Variants in ZNF813 observed in about 807,000 individuals in gnomAD.
ZNF813 encodes the protein zinc finger protein 813.
ZNF813 carries 3 observed loss-of-function variants against 7.2 expected under a neutral mutation model. The observed-to-expected ratio is 0.42, with a 90% CI of 0.19 to 1.08. The LOEUF (loss-of-function observed/expected upper bound fraction) is 1.08, where lower values mean the gene tolerates loss of function less well. Ranked by LOEUF, ZNF813 falls within the 50% of genes least tolerant of loss-of-function variation. The pLI, the probability that ZNF813 is intolerant of heterozygous loss-of-function variation, is 0.30. For synonymous variants in ZNF813, 227 were observed against 256.3 expected, an observed-to-expected ratio of 0.89 and a Z score of 1.09; for missense variants, 714 against 753.3, an observed-to-expected ratio of 0.95 and a Z score of 0.61.
Position 53,481,661 on chromosome 19 carries a change from T to C in ZNF813, c.-73-2089T>C, listed in dbSNP as rs181660983. ...ATTGAACCTGGCCACCCATGTATTCTTGATTGAAAAACTTTGCTTATGTCT... is the reference window on the plus strand; with the variant it reads ...ATTGAACCTGGCCACCCATGTATTCCTGATTGAAAAACTTTGCTTATGTCT... On this transcript the variant is annotated intron_variant, in intron 1 of 3. Transcript: ENST00000396403. Among the ~76,000 whole-genome samples, 12 of 152,300 alleles carry C rather than the reference T, an allele frequency of 7.9e-5. No individual in the cohort carries two copies. The East Asian group carries it at 2.3e-3, about 29-fold the overall frequency.
chr19:53,477,527 A>C (rs2086387524), intron 1 of ZNF813, among the ~76,000 whole-genome samples: 1 of 152,048 alleles, frequency 6.6e-6, no homozygotes, highest in South Asian at 2.1e-4. Context: ...TTGGTGCCTG[A>C]AAAAGGGGTT....
intron 2 of ZNF813, among the ~76,000 whole-genome samples, chr19:53,485,623 C>T (rs12980824): frequency 9.8e-6 from 1 of 102,028 alleles, no homozygotes; most frequent in Non-Finnish European, 2.2e-5. Flanking sequence ...TATATACATG[C>T]ATGTCGTGAT....
chr19:53,485,429 C>T (rs568333774), intron 2 of ZNF813, among the ~76,000 whole-genome samples: 5 of 152,290 alleles, frequency 3.3e-5, no homozygotes, highest in Non-Finnish European at 7.3e-5. Flanking sequence ...TATACACACA[C>T]ACAAATGTAT....
chr19:53,486,011 G>T (rs762794100), intron 2 of ZNF813, among the ~76,000 whole-genome samples: 2 of 152,148 alleles, frequency 1.3e-5, no homozygotes, highest in Non-Finnish European at 2.9e-5. Flanking sequence ...CAATTCTGCT[G>T]CATCAGCCTC....
At position 53,483,840 on chromosome 19, in the gene ZNF813, G is replaced by A; in HGVS notation, c.15+3G>A. On this transcript the variant is annotated splice_donor_region_variant and intron_variant, in intron 2 of 3. Transcript: ENST00000396403. ...AGTCAGGGATGGCTCTTCCTCAGGT[G>A]AGATGATATTTTTGGTGGATTGTTC... The A allele has an allele frequency of 1.2e-6, 2 of 1,613,922 alleles. No homozygotes were observed. The highest frequency in any genetic ancestry group is 1.7e-6 in the Non-Finnish European group (2 of 1,180,026).
chr19:53,479,792 G>C (rs1246320468), intron 1 of ZNF813: 8 of 1,226,760 alleles, frequency 6.5e-6, no homozygotes, highest in Non-Finnish European at 7.1e-6. Flanking sequence ...AGCTGAGCTG[G>C]CAGAGTCCCG....
chr19:53,490,520 C>T lies in ZNF813; in HGVS notation c.288C>T (p.Asn96=), dbSNP rs761764634. The change falls in exon 4 of 4, where the codon AAC becomes AAT. Residue 96 remains asparagine, a synonymous_variant. Coordinates refer to ENST00000396403, the MANE Select transcript of ZNF813 (RefSeq NM_001004301.4). ...AGGAAATTGATAAAGATATTCATAA[C>T]TTAGAGTTTCAGTGGCAAGAAGATG... ...RFQEIDKDIH[N]LEFQWQEDER... is the part of the protein sequence containing the mutation. 6.2e-7 allele frequency: 1 copy of T among 1,614,110 alleles called. No homozygotes were observed. The highest frequency in any genetic ancestry group is 8.5e-7 in the Non-Finnish European group (1 of 1,180,018).
intron 1 of ZNF813, among the ~76,000 whole-genome samples, chr19:53,483,003 C>G (rs895827592): frequency 6.6e-6 from 1 of 152,056 alleles, no homozygotes; most frequent in African/African-American, 2.4e-5. Context: ...ACTGCCACCT[C>G]CTGGGTACAA....
rs1046570445 is a variant in ZNF813 at position 53,479,323 on chromosome 19, A to C, written c.-73-4427A>C. On this transcript the variant is annotated intron_variant, in intron 1 of 3. Transcript: ENST00000396403. ...GCCGAATGGAGGAGGCAGGAACCGG[A>C]GTGTGAGCAGTAGCTGGGTGGGCAC... 7 of 1,587,490 alleles carry C rather than the reference A, an allele frequency of 4.4e-6. No homozygotes were observed. In the African/African-American group the frequency reaches 9.4e-5, roughly 21 times the overall value.
At chr19:53,471,221 T>C (rs887096009) in intron 1 of ZNF813, among the ~76,000 whole-genome samples, 1 of 152,176 alleles carries the variant, frequency 6.6e-6, no homozygotes, top group African/African-American at 2.4e-5. Flanking sequence ...CAAGCCCTTG[T>C]CCTTTTTCCT....
chr19:53,486,834 T>C (rs2086436629), intron 3 of ZNF813, 76 bp downstream of exon 3: 15 of 1,606,724 alleles, frequency 9.3e-6, no homozygotes, highest in Non-Finnish European at 9.3e-6. Flanking sequence ...TTAGATACAG[T>C]GTCTTGCTCT....
Position 53,495,639 on chromosome 19 carries a change from C to G in ZNF813, c.*3553C>G, listed in dbSNP as rs568437845. ...CAGGCTGATTAACATGGTGAAACCC[C>G]GTCTCTACTAAAAATACAAAAATTA... On this transcript the variant is annotated 3_prime_UTR_variant, in exon 4 of 4. Coordinates refer to ENST00000396403, the MANE Select transcript of ZNF813 (RefSeq NM_001004301.4). The G allele has an allele frequency of 6.6e-6, 1 of 151,754 alleles. No individual in the cohort carries two copies. The highest frequency in any genetic ancestry group is 1.5e-5 in the Non-Finnish European group (1 of 68,180). 9.4% of individuals were successfully genotyped at this position (151,754 alleles called of 1,614,324 possible).
At chr19:53,488,347 C>A in intron 3 of ZNF813, 1 of 413,288 alleles carries the variant, frequency 2.4e-6, no homozygotes, top group African/African-American at 2.1e-5. Flanking sequence ...TTTACCTTTA[C>A]TGGAGAACTT....
rs1331945567 is a variant in ZNF813 at position 53,490,556 on chromosome 19, C to T, written c.324C>T (p.Ser108=). 4 of 1,613,970 alleles carry T rather than the reference C, an allele frequency of 2.5e-6. No homozygotes were observed. Among genetic ancestry groups the T allele is most frequent in the Non-Finnish European group, 3.4e-6 (4 of 1,180,024 alleles). The change falls in exon 4 of 4, where the codon AGC becomes AGT. Residue 108 remains serine (S), a synonymous_variant. Coordinates refer to ENST00000396403, the MANE Select transcript of ZNF813 (RefSeq NM_001004301.4). ...EFQWQEDERN[S]HEAPMTEIKK... is the part of the protein sequence containing the mutation. The stretch of plus-strand genomic sequence containing the variant: ...AGTGGCAAGAAGATGAAAGAAATAG[C>T]CATGAAGCACCCATGACAGAAATCA...
At chr19:53,474,861 A>G (rs1306419887) in intron 1 of ZNF813, among the ~76,000 whole-genome samples, 1 of 152,186 alleles carries the variant, frequency 6.6e-6, no homozygotes, top group Non-Finnish European at 1.5e-5. Flanking sequence ...CTTCTTGGGC[A>G]AACCAGGATC....
At chr19:53,488,147 C>T (rs2086442774) in intron 3 of ZNF813, 2 of 408,732 alleles carry the variant, frequency 4.9e-6, no homozygotes, top group Non-Finnish European at 9.9e-6. Flanking sequence ...GCCTCAATTT[C>T]CCGAGTAGCT....
chr19:53,473,695 C>T (rs1248184012), intron 1 of ZNF813, among the ~76,000 whole-genome samples: 2 of 152,190 alleles, frequency 1.3e-5, no homozygotes, highest in Admixed American at 6.5e-5. Context: ...GACTTATCGG[C>T]ATTCTTTCTC....
intron 1 of ZNF813, among the ~76,000 whole-genome samples, chr19:53,469,269 T>C (rs1336567243): frequency 6.7e-6 from 1 of 150,160 alleles, no homozygotes. Context: ...AAGTTTCTTA[T>C]GTCTTCCTTT....
chr19:53,474,171 C>T (rs945587004), intron 1 of ZNF813, among the ~76,000 whole-genome samples: 7 of 152,144 alleles, frequency 4.6e-5, no homozygotes, highest in Admixed American at 3.3e-4. Context: ...AAAGCTTTAA[C>T]CTATCTTGAA....
Sources: gnomAD v4.1 joint callset for allele counts (sites outside exome capture counted in the v4.1 genomes callset) on GRCh38, gnomAD v4.1.1 for gene constraint, MANE v1.5 for transcripts, NCBI Gene and HGNC (gene_info 2026-07-23, HGNC 2026-07-21) for gene names.